Variants in NFE2L3 observed in about 807,000 individuals in gnomAD.
The protein encoded by NFE2L3 is NFE2 like bZIP transcription factor 3.
A neutral mutation model predicts 23.5 loss-of-function variants in NFE2L3; 18 were observed. That is an observed-to-expected ratio of 0.77 (90% CI 0.53 to 1.13). The LOEUF (loss-of-function observed/expected upper bound fraction) is 1.13. Among genes scored for constraint, NFE2L3 ranks in the 50% most tolerant of loss-of-function variants. The pLI is 0.00. For synonymous variants in NFE2L3, 424 were observed against 354.5 expected (o/e 1.20, Z -2.20); for missense variants, 1,152 against 877.2 (o/e 1.31, Z -3.96).
chr7:26,165,053 C>G (rs973654040), intron 1 of NFE2L3, among the ~76,000 whole-genome samples: 1 of 152,134 alleles, frequency 6.6e-6, no homozygotes, highest in Non-Finnish European at 1.5e-5. Flanking sequence ...TTACTGTAGC[C>G]TTGTAGTATA....
At position 26,185,683 on chromosome 7, in the gene NFE2L3, A is replaced by G. The variant is rs775863014; in HGVS notation, c.1985A>G (p.Tyr662Cys). The G allele has an allele frequency of 1.4e-5, 22 of 1,613,702 alleles. No homozygotes were observed. The East Asian group carries it at 1.6e-4, about 11-fold the overall frequency. Residue 662 changes from tyrosine (Y) to cysteine (C), a missense_variant, in exon 4 of 4, where the codon TAT becomes TGT. Coordinates refer to ENST00000056233, the MANE Select transcript of NFE2L3 (RefSeq NM_004289.7). ...DQGRPVNPNH[Y>C]ALQCTHDGSI... is the part of the protein sequence containing the mutation. ...GGTAGGCCAGTCAATCCCAACCACT[A>G]TGCTCTCCAGTGTACCCATGATGGA...
chr7:26,184,491 T>G (rs1324890143), intron 3 of NFE2L3, 42 bp from the exon 4 acceptor site: 7 of 1,542,938 alleles, frequency 4.5e-6, no homozygotes, highest in Admixed American at 1.9e-5. Context: ...GCTTCAGAAA[T>G]AGGGCTATTC....
chr7:26,158,500 C>G (rs1784121188), intron 1 of NFE2L3, among the ~76,000 whole-genome samples: 1 of 152,172 alleles, frequency 6.6e-6, no homozygotes, highest in African/African-American at 2.4e-5. Flanking sequence ...CTGAAAGCAG[C>G]TGGTCTATAT....
Position 26,185,888 on chromosome 7 carries a change from ACTG to A in NFE2L3, c.*108_*110del. On this transcript the variant is annotated 3_prime_UTR_variant, in exon 4 of 4. Coordinates refer to ENST00000056233, the MANE Select transcript of NFE2L3 (RefSeq NM_004289.7). ...TGCTTCAAGAATTGTATCTTTAAGT[ACTG>A]CTACTTGAATAACTCAGTTAACGCT... The A allele has an allele frequency of 1.1e-6, 1 of 928,566 alleles. No homozygotes were observed. The highest frequency in any genetic ancestry group is 1.6e-6 in the Non-Finnish European group (1 of 631,084). 57.5% of individuals were successfully genotyped at this position (928,566 alleles called of 1,614,324 possible). A position where few individuals can be genotyped will look rare whatever the true frequency, so the allele number is the denominator to read the frequency against.
At chr7:26,159,141 G>A (rs929310862) in intron 1 of NFE2L3, among the ~76,000 whole-genome samples, 5 of 152,136 alleles carry the variant, frequency 3.3e-5, no homozygotes, top group African/African-American at 1.2e-4. Flanking sequence ...ATTCAGGGCT[G>A]CCCTTGTGGC....
chr7:26,180,769 T>C (rs1413004072), intron 2 of NFE2L3, among the ~76,000 whole-genome samples: 1 of 152,002 alleles, frequency 6.6e-6, no homozygotes, highest in Admixed American at 6.5e-5. Context: ...ACAAATGAAG[T>C]AGGGAGCTTC....
Position 26,185,553 on chromosome 7 carries a change from A to G in NFE2L3, c.1855A>G (p.Thr619Ala), listed in dbSNP as rs1341248052. The G allele has an allele frequency of 1.2e-6, 2 of 1,613,800 alleles. No individual in the cohort carries two copies. Among genetic ancestry groups the G allele is most frequent in the Non-Finnish European group, 1.7e-6 (2 of 1,179,798 alleles). ...ATGTAACTTGCAAGCAAAGAAGGAAACTCTTAAGAGAGAGCAAGCACAATG... is the reference window on the plus strand; with the variant it reads ...ATGTAACTTGCAAGCAAAGAAGGAAGCTCTTAAGAGAGAGCAAGCACAATG... ...DVCNLQAKKE[T>A]LKREQAQCNK... The change falls in exon 4 of 4, where the codon ACT becomes GCT. Residue 619 changes from threonine to alanine, a missense_variant. Thr to Ala is a moderately conservative substitution (Grantham distance 58, BLOSUM62 0). Transcript: ENST00000056233.
chr7:26,166,280 C>A (rs1473752900), intron 1 of NFE2L3, among the ~76,000 whole-genome samples: 2 of 152,100 alleles, frequency 1.3e-5, no homozygotes, highest in African/African-American at 4.8e-5. Flanking sequence ...TTGCTGGAGC[C>A]CAAGATGAGG....
chr7:26,185,917 G>GT lies in NFE2L3; in HGVS notation c.*138dup. 1 of 758,782 alleles carries GT rather than the reference G, an allele frequency of 1.3e-6. No individual in the cohort carries two copies. The highest frequency in any genetic ancestry group is 2.0e-6 in the Non-Finnish European group (1 of 489,026). 47.0% of individuals were successfully genotyped at this position (758,782 alleles called of 1,614,324 possible). On this transcript the variant is annotated 3_prime_UTR_variant, in exon 4 of 4. Coordinates refer to ENST00000056233, the MANE Select transcript of NFE2L3 (RefSeq NM_004289.7). ...CTACTTGAATAACTCAGTTAACGCTGTTTTGAAGCTTACATGGACAAATGT... is the reference window on the plus strand; with the variant it reads ...CTACTTGAATAACTCAGTTAACGCTGTTTTTGAAGCTTACATGGACAAATGT...
intron 1 of NFE2L3, among the ~76,000 whole-genome samples, chr7:26,161,612 GTGTC>G (rs965504097): frequency 6.6e-6 from 1 of 152,134 alleles, no homozygotes; most frequent in Non-Finnish European, 1.5e-5. Context: ...AATGGAAGGA[GTGTC>G]TGGCTGAAAG....
At chr7:26,183,581 CA>C (rs1396902902) in intron 2 of NFE2L3, 119 bp from the exon 3 acceptor site, 5 of 668,992 alleles carry the variant, frequency 7.5e-6, no homozygotes, top group Non-Finnish European at 1.3e-5. Context: ...AACCAAGGAA[CA>C]TAATAGCATA....
chr7:26,175,019 TG>T (rs1316728580), intron 1 of NFE2L3: 1 of 152,150 alleles, frequency 6.6e-6, no homozygotes, highest in Non-Finnish European at 1.5e-5. Flanking sequence ...TATAGATCTG[TG>T]GAGATGTTTT....
At position 26,185,081 on chromosome 7, in the gene NFE2L3, A is replaced by AT; in HGVS notation, c.1383_1384insT (p.Glu462Ter). The AT allele has an allele frequency of 6.2e-7, 1 of 1,613,906 alleles. No homozygotes were observed. Among genetic ancestry groups the AT allele is most frequent in the Non-Finnish European group, 8.5e-7 (1 of 1,179,832 alleles). ...ATGAATCTAGTTCCCATCATGACTTAGAAGGTGCTGTAGGTGGCTACTACC... is the reference window on the plus strand; with the variant it reads ...ATGAATCTAGTTCCCATCATGACTTATGAAGGTGCTGTAGGTGGCTACTACC... On this transcript the variant is annotated frameshift_variant, in exon 4 of 4. Coordinates refer to ENST00000056233, the MANE Select transcript of NFE2L3 (RefSeq NM_004289.7). LOFTEE classifies it low-confidence loss of function (END_TRUNC).
At chr7:26,161,541 G>GCT (rs1358109529) in intron 1 of NFE2L3, among the ~76,000 whole-genome samples, 2 of 151,832 alleles carry the variant, frequency 1.3e-5, no homozygotes, top group African/African-American at 4.8e-5. Flanking sequence ...GCCATCCCAA[G>GCT]CTTAAGGTCC....
chr7:26,165,124 T>C (rs1353428096), intron 1 of NFE2L3, among the ~76,000 whole-genome samples: 4 of 152,210 alleles, frequency 2.6e-5, no homozygotes, highest in Non-Finnish European at 4.4e-5. Flanking sequence ...ATTGACTTGG[T>C]AATGCGGGCT....
chr7:26,155,753 A>G (rs1784072634), intron 1 of NFE2L3, among the ~76,000 whole-genome samples: 1 of 152,216 alleles, frequency 6.6e-6, no homozygotes, highest in African/African-American at 2.4e-5. Flanking sequence ...TGGAAAAACA[A>G]CACTGGTCTT....
rs377069930 is a variant in NFE2L3 at position 26,183,676 on chromosome 7, A to G, written c.751-25A>G. ...ACCAGTTCAGTCTTTTATGTGAAAG[A>G]TGCACTTTTTGTGTTTCTCTACAGA... On this transcript the variant is annotated intron_variant, in intron 2 of 3. Coordinates refer to ENST00000056233, the MANE Select transcript of NFE2L3 (RefSeq NM_004289.7). 28 of 1,445,926 alleles carry G rather than the reference A, an allele frequency of 1.9e-5. No homozygotes were observed. The African/African-American group carries it at 3.2e-4, about 17-fold the overall frequency. 89.6% of individuals were successfully genotyped at this position (1,445,926 alleles called of 1,614,324 possible).
At chr7:26,174,478 G>A (rs978214383) in intron 1 of NFE2L3, 2 of 152,284 alleles carry the variant, frequency 1.3e-5, no homozygotes, top group African/African-American at 4.8e-5. Context: ...GAGAGTAGCA[G>A]GAGCAATATC....
Position 26,185,029 on chromosome 7 carries a change from A to T in NFE2L3, c.1331A>T (p.Glu444Val), listed in dbSNP as rs760011009. The change falls in exon 4 of 4, where the codon GAA (glutamate) becomes GTA (valine). Residue 444 changes from glutamate to valine, a missense_variant. Transcript: ENST00000056233. ...KSNSSHSVCD[E>V]GAIGYCTDHE... ...AATTCCTCTCACTCTGTGTGTGATGAAGGTGCTATAGGTTATTGCACTGAC... is the reference window on the plus strand; with the variant it reads ...AATTCCTCTCACTCTGTGTGTGATGTAGGTGCTATAGGTTATTGCACTGAC... 1.1e-5 allele frequency: 18 copies of T among 1,613,730 alleles called. No homozygotes were observed. In the Admixed American group the frequency reaches 1.8e-4, roughly 16 times the overall value.
Sources: allele counts gnomAD v4.1 joint callset (sites outside exome capture counted in the v4.1 genomes callset), GRCh38; gene constraint gnomAD v4.1.1; transcripts MANE v1.5; gene names NCBI Gene and HGNC (gene_info 2026-07-23, HGNC 2026-07-21).